The following GSDMC variants were observed in gnomAD, a reference collection of about 807,000 sequenced individuals.
GSDMC encodes the protein gasdermin-C.
A neutral mutation model predicts 58.0 loss-of-function variants in GSDMC; 59 were observed. That is an observed-to-expected ratio of 1.02 (90% CI 0.82 to 1.26). The LOEUF (loss-of-function observed/expected upper bound fraction) is 1.26. Among genes scored for constraint, GSDMC ranks in the 50% most tolerant of loss-of-function variants. The pLI is 0.00. For synonymous variants in GSDMC, 241 were observed against 220.2 expected (o/e 1.09, Z -0.83); for missense variants, 659 against 598.5 (o/e 1.10, Z -1.06).
At chr8:129,780,756 A>T (rs1206428322) in intron 1 of GSDMC, among the ~76,000 whole-genome samples, 1 of 152,206 alleles carries the variant, frequency 6.6e-6, no homozygotes, top group Non-Finnish European at 1.5e-5. Context: ...ATATTATAAC[A>T]CTGTAATTGT....
At chr8:129,727,829 T>C in the GSDMC span, among the ~76,000 whole-genome samples, 1 of 152,122 alleles carries the variant, frequency 6.6e-6, no homozygotes, top group Non-Finnish European at 1.5e-5. Context: ...GTGCTAGAAT[T>C]GTATTCTCCC....
chr8:129,750,584 T>A lies in GSDMC; in HGVS notation c.944-14A>T. ...GATGCTTGAAATCTGCTCTCAGGCATCAACGCCGACCAGAAAGTGGGGACA... is the reference window on the plus strand; with the variant it reads ...GATGCTTGAAATCTGCTCTCAGGCAACAACGCCGACCAGAAAGTGGGGACA... On this transcript the variant is annotated splice_polypyrimidine_tract_variant and intron_variant, in intron 10 of 13. Transcript: ENST00000276708. 1 of 1,612,522 alleles carries A rather than the reference T, an allele frequency of 6.2e-7. No homozygotes were observed. The highest frequency in any genetic ancestry group is 1.7e-4 in the Middle Eastern group (1 of 6,052).
At chr8:129,732,228 A>G in the GSDMC span, among the ~76,000 whole-genome samples, 1 of 152,050 alleles carries the variant, frequency 6.6e-6, no homozygotes, top group East Asian at 1.9e-4. Flanking sequence ...GTGCCAGATC[A>G]TTGATCTTAG....
the GSDMC span, chr8:129,730,426 T>C: frequency 8.8e-7 from 1 of 1,136,608 alleles, no homozygotes; most frequent in Non-Finnish European, 1.2e-6. Flanking sequence ...TTAGTAGAAA[T>C]TATTTCCCAA....
chr8:129,721,838 T>G, the GSDMC span, among the ~76,000 whole-genome samples: 2 of 152,208 alleles, frequency 1.3e-5, no homozygotes, highest in Non-Finnish European at 2.9e-5. Flanking sequence ...AAACACTCTA[T>G]GAATGATCGT....
intron 1 of GSDMC, among the ~76,000 whole-genome samples, chr8:129,782,720 G>A (rs1158100514): frequency 6.6e-6 from 1 of 151,870 alleles, no homozygotes; most frequent in Non-Finnish European, 1.5e-5. Context: ...GTAATAAAAA[G>A]TCTCCCAGTA....
intron 10 of GSDMC, 148 bp downstream of exon 10, chr8:129,751,394 C>T: frequency 1.5e-6 from 1 of 662,742 alleles, no homozygotes. Flanking sequence ...TCCAATAAGT[C>T]CTCAATAAAT....
the GSDMC span, among the ~76,000 whole-genome samples, chr8:129,708,842 C>T: frequency 6.6e-6 from 1 of 152,256 alleles, no homozygotes; most frequent in Non-Finnish European, 1.5e-5. Flanking sequence ...CTCTGGTTCA[C>T]CAGCCAGATG....
chr8:129,724,576 C>T, the GSDMC span, among the ~76,000 whole-genome samples: 1 of 151,122 alleles, frequency 6.6e-6, no homozygotes, highest in Non-Finnish European at 1.5e-5. Context: ...ATCTTGTATG[C>T]ATCCAATAAA....
Position 129,752,780 on chromosome 8 carries a change from C to T in GSDMC, c.762G>A (p.Arg254=). ...GAAATGATGGTAGCAACCCCTCACT[C>T]CTCGCAGCACAGTAGCCTACCATTT... ...ISEMVGYCAA[R]SEGLLPSFHT... Residue 254 remains arginine (R), a synonymous_variant, in exon 7 of 14, where the codon AGG becomes AGA. Transcript: ENST00000276708. 1.9e-6 allele frequency: 3 copies of T among 1,614,196 alleles called. No individual in the cohort carries two copies. Among genetic ancestry groups the T allele is most frequent in the Non-Finnish European group, 2.5e-6 (3 of 1,180,032 alleles).
At chr8:129,713,721 C>G in the GSDMC span, among the ~76,000 whole-genome samples, 381 of 152,248 alleles carry the variant, frequency 2.5e-3, 2 homozygotes, top group African/African-American at 8.9e-3. Flanking sequence ...GGAGACCAAA[C>G]AGCCTGCCCC....
At chr8:129,726,854 G>A in the GSDMC span, among the ~76,000 whole-genome samples, 7 of 149,276 alleles carry the variant, frequency 4.7e-5, no homozygotes, top group African/African-American at 1.7e-4. Context: ...TCTGGCCCAG[G>A]AAGGATCCCA....
At chr8:129,770,959 G>A (rs974242285) in intron 3 of GSDMC, among the ~76,000 whole-genome samples, 1 of 150,852 alleles carries the variant, frequency 6.6e-6, no homozygotes, top group Non-Finnish European at 1.5e-5. Flanking sequence ...TGCACAAGAT[G>A]ACCAAAAAAG....
chr8:129,717,593 C>A, the GSDMC span, among the ~76,000 whole-genome samples: 1 of 152,164 alleles, frequency 6.6e-6, no homozygotes, highest in Admixed American at 6.5e-5. Flanking sequence ...GGCCACACTG[C>A]CCAAAGTGAT....
the GSDMC span, chr8:129,707,019 C>A: frequency 6.6e-6 from 1 of 152,172 alleles, no homozygotes; most frequent in African/African-American, 2.4e-5. Context: ...TGGTGGTACC[C>A]CCATTCTGTG....
the GSDMC span, among the ~76,000 whole-genome samples, chr8:129,717,334 G>A: frequency 9.2e-4 from 135 of 146,896 alleles, no homozygotes; most frequent in Non-Finnish European, 1.7e-3. Flanking sequence ...TTCAGGGATT[G>A]GACTTCTTCC....
chr8:129,735,630 C>G, the GSDMC span, among the ~76,000 whole-genome samples: 1 of 152,078 alleles, frequency 6.6e-6, no homozygotes, highest in Non-Finnish European at 1.5e-5. Flanking sequence ...CACAATGTAC[C>G]AGAATCTCTG....
the GSDMC span, among the ~76,000 whole-genome samples, chr8:129,723,464 C>T: frequency 3.2e-4 from 42 of 132,490 alleles, no homozygotes; most frequent in Non-Finnish European, 5.4e-4. Context: ...GACAGGGTTT[C>T]AACATCCTGG....
At position 129,751,809 on chromosome 8, in the gene GSDMC, C is replaced by T. The variant is rs2033203982; in HGVS notation, c.916+53G>A. On this transcript the variant is annotated intron_variant, in intron 9 of 13. Coordinates refer to ENST00000276708, the MANE Select transcript of GSDMC (RefSeq NM_031415.3). ...GCAGGGGCAATCTGCCCTACTTACC[C>T]CATGTGTGCAGGATGGGATCCCCAC... 11 of 1,556,352 alleles carry T rather than the reference C, an allele frequency of 7.1e-6. No homozygotes were observed. In the South Asian group the frequency reaches 1.2e-4, roughly 17 times the overall value.
Sources: gnomAD v4.1 joint callset for allele counts (sites outside exome capture counted in the v4.1 genomes callset) on GRCh38, gnomAD v4.1.1 for gene constraint, MANE v1.5 for transcripts, NCBI Gene and HGNC (gene_info 2026-07-23, HGNC 2026-07-21) for gene names.